TULP4: variants seen among roughly 807,000 people sequenced by gnomAD.
The protein encoded by TULP4 is TUB like protein 4.
A neutral mutation model predicts 129.0 loss-of-function variants in TULP4; 16 were observed. That is an observed-to-expected ratio of 0.12 (90% CI 0.08 to 0.19). TULP4 has a LOEUF of 0.19. Ranked by LOEUF, TULP4 falls within the 10% of genes least tolerant of loss-of-function variation. The probability of loss-of-function intolerance (pLI) is 1.00; values close to 1 mark genes in which losing one functional copy is unlikely to be tolerated. For missense variants in TULP4, 1,842 were observed against 2,059.1 expected (o/e 0.89, Z 2.04); for synonymous variants, 998 against 854.0 (o/e 1.17, Z -2.94).
Position 158,493,115 on chromosome 6 carries a change from C to A in TULP4, c.1632-458C>A, listed in dbSNP as rs1363186563. ...CATTTCCACGCTTGCTCCAAGGCAA[C>A]AGAGAGTGAAAGACAGTTAATTCTT... On this transcript the variant is annotated intron_variant, in intron 9 of 13. Coordinates refer to ENST00000367097, the MANE Select transcript of TULP4 (RefSeq NM_020245.5). The surrounding 1 kb of genome is among the most constrained non-coding windows in gnomAD (Gnocchi z 4.4). Among the ~76,000 whole-genome samples, 1 of 152,208 alleles carries A rather than the reference C, an allele frequency of 6.6e-6. No individual in the cohort carries two copies. Among genetic ancestry groups the A allele is most frequent in the East Asian group, 1.9e-4 (1 of 5,194 alleles).
chr6:158,289,321 TTG>T (rs1350585355), intron 1 of TULP4, among the ~76,000 whole-genome samples: 1 of 152,186 alleles, frequency 6.6e-6, no homozygotes, highest in East Asian at 1.9e-4. Flanking sequence ...TGCCAGAGCT[TTG>T]TGTCTTTGAT....
intron 6 of TULP4, among the ~76,000 whole-genome samples, chr6:158,476,514 G>A (rs748313613): frequency 6.6e-6 from 1 of 152,076 alleles, no homozygotes; most frequent in African/African-American, 2.4e-5. Flanking sequence ...GAGCGAATGC[G>A]CTACCTGGTT....
chr6:158,240,399 T>G (rs1583666142), intron 1 of TULP4, among the ~76,000 whole-genome samples: 1 of 55,662 alleles, frequency 1.8e-5, no homozygotes, highest in East Asian at 7.8e-4. Context: ...GAGGGGCTCC[T>G]CACTTCCCAG....
chr6:158,492,074 G>A (rs1223595281), intron 9 of TULP4, among the ~76,000 whole-genome samples: 3 of 152,166 alleles, frequency 2.0e-5, no homozygotes, highest in East Asian at 1.9e-4. Flanking sequence ...TGGCCAGGAT[G>A]GTCTCAAACT....
At chr6:158,390,470 G>A (rs11757256) in intron 1 of TULP4, among the ~76,000 whole-genome samples, 27,626 of 152,028 alleles carry the variant, frequency 0.18, 3,153 homozygotes, top group Middle Eastern at 0.26. Flanking sequence ...TGTTTTTAGT[G>A]ATTTGTTAGC....
At chr6:158,346,053 T>C (rs1780301384) in intron 1 of TULP4, among the ~76,000 whole-genome samples, 1 of 152,176 alleles carries the variant, frequency 6.6e-6, no homozygotes, top group Non-Finnish European at 1.5e-5. Context: ...AAAATATGGC[T>C]CCTTTTGCCC....
intron 1 of TULP4, among the ~76,000 whole-genome samples, chr6:158,296,620 G>A (rs940036171): frequency 7.3e-5 from 11 of 151,686 alleles, no homozygotes; most frequent in Admixed American, 6.6e-4. Context: ...AAGTATCGGG[G>A]GAACCCACCC....
intron 1 of TULP4, among the ~76,000 whole-genome samples, chr6:158,384,227 T>G (rs563905827): frequency 6.6e-6 from 1 of 152,272 alleles, no homozygotes. Flanking sequence ...GTAGTATACG[T>G]TATGACAAGG....
intron 13 of TULP4, among the ~76,000 whole-genome samples, chr6:158,505,730 G>A (rs1402534747): frequency 6.6e-6 from 1 of 152,228 alleles, no homozygotes; most frequent in Non-Finnish European, 1.5e-5. Context: ...AGGCAGCGGT[G>A]TTGGACAGTG....
At chr6:158,444,219 CA>C (rs71030171) in intron 3 of TULP4, among the ~76,000 whole-genome samples, 413 of 33,994 alleles carry the variant, frequency 0.012, 8 homozygotes, top group African/African-American at 0.034. Flanking sequence ...GACTCTGTCT[CA>C]AAAAAAAAAA....
chr6:158,430,880 A>G (rs1778613143), intron 3 of TULP4, among the ~76,000 whole-genome samples: 1 of 152,216 alleles, frequency 6.6e-6, no homozygotes, highest in South Asian at 2.1e-4. Flanking sequence ...TATTATTGGT[A>G]AAAAACCAAG....
At chr6:158,308,143 C>T (rs1380477855), upstream of TULP4, among the ~76,000 whole-genome samples, 36 of 62,104 alleles carry the variant, frequency 5.8e-4, no homozygotes, top group East Asian at 1.7e-3. Context: ...GCAGAGGAAC[C>T]TGCGGCCTTC....
In TULP4 at chr6:158,507,617, C is replaced by G. The variant is rs1033131605; in HGVS notation, c.*923C>G. 6.6e-6 allele frequency: 1 copy of G among 152,208 alleles called. No individual in the cohort carries two copies. Among genetic ancestry groups the G allele is most frequent in the African/African-American group, 2.4e-5 (1 of 41,448 alleles). The allele number at this position is 152,208 out of a possible 1,614,324, so 9.4% of individuals were successfully genotyped here. A position where few individuals can be genotyped will look rare whatever the true frequency, so the allele number is the denominator to read the frequency against. On this transcript the variant is annotated 3_prime_UTR_variant, in exon 14 of 14. Coordinates refer to ENST00000367097, the MANE Select transcript of TULP4 (RefSeq NM_020245.5). ...TTCTCAAATAATGTGGTGACAGTCA[C>G]TAGATCCTCACATGCTGAGAAACAG... is the stretch of plus-strand genomic sequence containing the variant.
chr6:158,384,319 G>A (rs528914213), intron 1 of TULP4, among the ~76,000 whole-genome samples: 4 of 138,648 alleles, frequency 2.9e-5, no homozygotes, highest in Non-Finnish European at 6.1e-5. Flanking sequence ...ACAGAGTCTC[G>A]CTCTGTGACC....
chr6:158,380,062 T>C (rs927680652), intron 1 of TULP4, among the ~76,000 whole-genome samples: 3 of 149,896 alleles, frequency 2.0e-5, no homozygotes, highest in Admixed American at 6.6e-5. Flanking sequence ...AGACTTGATT[T>C]AAGGTCTGAA....
intron 8 of TULP4, among the ~76,000 whole-genome samples, chr6:158,485,679 C>A (rs1268820107): frequency 1.3e-5 from 2 of 152,248 alleles, no homozygotes; most frequent in Non-Finnish European, 2.9e-5. Context: ...GGGGCAGGAT[C>A]CCTGCCAGAG....
intron 1 of TULP4, among the ~76,000 whole-genome samples, chr6:158,329,336 C>T (rs1779821768): frequency 6.6e-6 from 1 of 151,630 alleles, no homozygotes. Context: ...TTTCTTTTTC[C>T]TCCCTGTATA....
chr6:158,334,137 G>GT (rs542118976), intron 1 of TULP4, among the ~76,000 whole-genome samples: 41 of 152,268 alleles, frequency 2.7e-4, no homozygotes, highest in African/African-American at 9.6e-4. Flanking sequence ...TTTTCCTCCT[G>GT]TTTCGTGCAA....
At chr6:158,288,440 A>G (rs1018267946) in intron 1 of TULP4, among the ~76,000 whole-genome samples, 1 of 152,082 alleles carries the variant, frequency 6.6e-6, no homozygotes, top group East Asian at 1.9e-4. Context: ...TTGTAGGTAA[A>G]TATCCTTTAT....
Sources: allele counts gnomAD v4.1 joint callset (sites outside exome capture counted in the v4.1 genomes callset), GRCh38; gene constraint gnomAD v4.1.1; non-coding constraint Gnocchi (gnomAD v3.1); transcripts MANE v1.5; gene names NCBI Gene and HGNC (gene_info 2026-07-23, HGNC 2026-07-21).